RETREG1: variants seen among roughly 807,000 people sequenced by gnomAD.
RETREG1 encodes the protein reticulophagy regulator 1, also known as family with sequence similarity 134 member B.
RETREG1 carries 44 observed loss-of-function variants against 54.8 expected under a neutral mutation model. That is an observed-to-expected ratio of 0.80 (90% confidence interval 0.63 to 1.03). The LOEUF (loss-of-function observed/expected upper bound fraction) is 1.03, where lower values mean the gene tolerates loss of function less well. Ranked by LOEUF, RETREG1 falls within the 50% of genes least tolerant of loss-of-function variation. The probability of loss-of-function intolerance (pLI) is 0.00; values close to 1 mark genes in which losing one functional copy is unlikely to be tolerated. For missense variants in RETREG1, 554 were observed against 605.1 expected (o/e 0.92, Z 0.89); for synonymous variants, 217 against 238.5 (o/e 0.91, Z 0.83).
In RETREG1 at chr5:16,483,395, C is replaced by T. The variant is rs1561080941; in HGVS notation, c.536G>A (p.Ser179Asn). The T allele has an allele frequency of 6.2e-7, 1 of 1,613,352 alleles. No individual in the cohort carries two copies. Among genetic ancestry groups the T allele is most frequent in the Non-Finnish European group, 8.5e-7 (1 of 1,179,432 alleles). Residue 179 changes from serine (S) to asparagine (N), a missense_variant, in exon 4 of 9, where the codon AGC becomes AAC. This residue lies in a region of RETREG1 where 347 missense variants were observed against 412.3 expected (regional missense o/e 0.84). Coordinates refer to ENST00000306320, the MANE Select transcript of RETREG1 (RefSeq NM_001034850.3). Reference sequence around the variant, plus strand: ...AAGAGACATTTCTTGAAGAAATATGCTGAAATTCATCCATGATTCTGCAAT... The same window carrying T: ...AAGAGACATTTCTTGAAGAAATATGTTGAAATTCATCCATGATTCTGCAAT... The part of the protein sequence containing the change: ...HCIAESWMNF[S>N]IFLQEMSLFK...
chr5:16,529,905 A>G (rs946215483), intron 3 of RETREG1, among the ~76,000 whole-genome samples: 7 of 152,178 alleles, frequency 4.6e-5, no homozygotes, highest in African/African-American at 1.4e-4. Flanking sequence ...TTCAATGAGC[A>G]GCAATTCAAG....
intron 3 of RETREG1, among the ~76,000 whole-genome samples, chr5:16,515,838 C>A (rs13175322): frequency 0.1 from 15,282 of 151,914 alleles, 867 homozygotes; most frequent in Non-Finnish European, 0.11. Context: ...GACAGAAAAC[C>A]GTGAGGGAAA....
At chr5:16,576,862 G>A (rs775279772) in intron 1 of RETREG1, among the ~76,000 whole-genome samples, 4 of 152,116 alleles carry the variant, frequency 2.6e-5, no homozygotes, top group South Asian at 4.1e-4. Context: ...TGATCCCCCC[G>A]CCTCCACCTC....
At chr5:16,495,800 CA>C (rs150429253) in intron 3 of RETREG1, among the ~76,000 whole-genome samples, 18 of 144,956 alleles carry the variant, frequency 1.2e-4, no homozygotes, top group South Asian at 2.2e-4. Flanking sequence ...GACTCTGTCT[CA>C]AAAAAAAAAA....
chr5:16,541,735 G>T (rs951184161), intron 3 of RETREG1, among the ~76,000 whole-genome samples: 2 of 94,870 alleles, frequency 2.1e-5, no homozygotes, highest in Non-Finnish European at 4.3e-5. Flanking sequence ...AAGAGAGGGA[G>T]GGAGGGAAGG....
At chr5:16,572,713 G>A (rs533909650) in intron 1 of RETREG1, among the ~76,000 whole-genome samples, 3 of 152,150 alleles carry the variant, frequency 2.0e-5, no homozygotes, top group Non-Finnish European at 2.9e-5. Flanking sequence ...TCCAATAGCC[G>A]ATGGAGAATG....
At position 16,487,887 on chromosome 5, in the gene RETREG1, T is replaced by C. The variant is rs115012510; in HGVS notation, c.459-4415A>G. ...CCAACATCCCTTCTTTCTTCCTCCCTGTCCCTATTAGAATACAATTTACCA... is the reference window on the plus strand; with the variant it reads ...CCAACATCCCTTCTTTCTTCCTCCCCGTCCCTATTAGAATACAATTTACCA... On this transcript the variant is annotated intron_variant, in intron 3 of 8. Transcript: ENST00000306320. Among the ~76,000 whole-genome samples, 1,250 of 152,350 alleles carry C rather than the reference T, an allele frequency of 8.2e-3. 18 individuals carry two copies. The highest frequency in any genetic ancestry group is 0.028 in the African/African-American group (1,170 of 41,582).
chr5:16,559,514 G>C (rs142078365), intron 3 of RETREG1, among the ~76,000 whole-genome samples: 28 of 152,322 alleles, frequency 1.8e-4, no homozygotes, highest in Non-Finnish European at 3.5e-4. Context: ...AAATCCGATA[G>C]CTCTCAGCCA....
intron 1 of RETREG1, among the ~76,000 whole-genome samples, chr5:16,598,743 C>A (rs550586274): frequency 2.1e-4 from 32 of 152,198 alleles, no homozygotes; most frequent in Non-Finnish European, 3.8e-4. Context: ...TTATAACCAT[C>A]CTTTGTAAGT....
chr5:16,559,083 A>G (rs974280835), intron 3 of RETREG1, among the ~76,000 whole-genome samples: 14 of 152,318 alleles, frequency 9.2e-5, no homozygotes, highest in Admixed American at 9.1e-4. Flanking sequence ...TGGGTTTTAC[A>G]ACCAAAGATT....
intron 3 of RETREG1, among the ~76,000 whole-genome samples, chr5:16,542,231 C>CGGATT (rs1397846522): frequency 6.6e-6 from 1 of 152,192 alleles, no homozygotes; most frequent in East Asian, 1.9e-4. Context: ...TCTGTCACCA[C>CGGATT]GGATTCGTAA....
Position 16,565,759 on chromosome 5 carries a change from C to T in RETREG1, c.458+4G>A. On this transcript the variant is annotated splice_donor_region_variant and intron_variant, in intron 3 of 8. Transcript: ENST00000306320. ...AAGCACAACACGGAAAGAAAGTTCC[C>T]TACCTTTCACTGAGGCTTCTCCACA... 1.1e-5 allele frequency: 17 copies of T among 1,614,046 alleles called. No individual in the cohort carries two copies. Among genetic ancestry groups the T allele is most frequent in the Non-Finnish European group, 1.4e-5 (17 of 1,179,992 alleles).
At chr5:16,568,735 TTGC>T (rs1742090789) in intron 2 of RETREG1, among the ~76,000 whole-genome samples, 1 of 151,870 alleles carries the variant, frequency 6.6e-6, no homozygotes. Flanking sequence ...GGGAACAGAG[TTGC>T]AGTCATCAAA....
intron 3 of RETREG1, among the ~76,000 whole-genome samples, chr5:16,528,649 G>A (rs998642260): frequency 4.6e-5 from 7 of 152,168 alleles, no homozygotes; most frequent in Non-Finnish European, 8.8e-5. Flanking sequence ...GTGCAAGAAG[G>A]GACAAGGTAA....
At chr5:16,516,943 A>G (rs1740376006) in intron 3 of RETREG1, among the ~76,000 whole-genome samples, 3 of 55,246 alleles carry the variant, frequency 5.4e-5, no homozygotes. Context: ...CTCAAGAAAA[A>G]AGTAAATGAA....
rs563432813 is a variant in RETREG1, at chr5:16,573,829, TCTC to T, written c.321-1730_321-1728del. Among the ~76,000 whole-genome samples, 655 of 144,248 alleles carry T rather than the reference TCTC, an allele frequency of 4.5e-3. 4 individuals carry two copies. Among genetic ancestry groups the T allele is most frequent in the African/African-American group, 0.015 (612 of 40,536 alleles). The allele number at this position is 144,248 out of a possible 152,430, so 94.6% of individuals were successfully genotyped here. ...GCACGATCTTGGCTCACTGCAACCT[TCTC>T]CTCTCAGGTTCAAGCAATTCTCCTG... On this transcript the variant is annotated intron_variant, in intron 1 of 8. Transcript: ENST00000306320.
At chr5:16,515,917 A>G (rs953609730) in intron 3 of RETREG1, among the ~76,000 whole-genome samples, 4 of 152,162 alleles carry the variant, frequency 2.6e-5, no homozygotes, top group African/African-American at 9.7e-5. Context: ...TAGGGGCTTT[A>G]ACAAATCTAA....
chr5:16,597,312 G>A lies in RETREG1; in HGVS notation c.320+19340C>T, dbSNP rs983449620. Among the ~76,000 whole-genome samples the A allele has an allele frequency of 3.3e-5, 5 of 152,154 alleles. No individual in the cohort carries two copies. Among genetic ancestry groups the A allele is most frequent in the African/African-American group, 4.8e-5 (2 of 41,430 alleles). ...GGAGTAAGAGACACTACAGGTGAAC[G>A]GCCTAAAATATCTGACACGGGATAA... On this transcript the variant is annotated intron_variant, in intron 1 of 8. Coordinates refer to ENST00000306320, the MANE Select transcript of RETREG1 (RefSeq NM_001034850.3). The surrounding 1 kb of genome is among the most constrained non-coding windows in gnomAD (Gnocchi z 4.3).
At chr5:16,539,634 T>G (rs149233481) in intron 3 of RETREG1, among the ~76,000 whole-genome samples, 2,593 of 152,242 alleles carry the variant, frequency 0.017, 28 homozygotes, top group Non-Finnish European at 0.027. Context: ...CTCCCAGTCC[T>G]TTCCAATCAA....
Sources: gnomAD v4.1 joint callset for allele counts (sites outside exome capture counted in the v4.1 genomes callset) on GRCh38, gnomAD v4.1.1 for gene constraint, gnomAD v4.1.1 regional missense constraint, Gnocchi (gnomAD v3.1) non-coding constraint, MANE v1.5 for transcripts, NCBI Gene and HGNC (gene_info 2026-07-23, HGNC 2026-07-21) for gene names.